RBFOX1: variants seen among roughly 807,000 people sequenced by gnomAD.
The protein encoded by RBFOX1 is RNA binding fox-1 homolog 1.
RBFOX1 carries 8 observed loss-of-function variants against 57.7 expected under a neutral mutation model. That is an observed-to-expected ratio of 0.14 (90% CI 0.08 to 0.25). RBFOX1 has a LOEUF of 0.25. Among genes scored for constraint, RBFOX1 ranks in the 10% least tolerant of loss-of-function variants. RBFOX1 has a pLI of 1.00. For missense variants in RBFOX1, 611 were observed against 548.5 expected (o/e 1.11, Z -1.14); for synonymous variants, 326 against 222.4 (o/e 1.47, Z -4.15).
At chr16:6,225,143 G>C (rs2097406770) in intron 1 of RBFOX1, among the ~76,000 whole-genome samples, 1 of 151,774 alleles carries the variant, frequency 6.6e-6, no homozygotes, top group South Asian at 2.1e-4. Flanking sequence ...AACAGTGGAA[G>C]AGTTTGAAGG....
chr16:7,674,825 C>T (rs368254529), intron 13 of RBFOX1, among the ~76,000 whole-genome samples: 14 of 152,288 alleles, frequency 9.2e-5, no homozygotes, highest in East Asian at 3.9e-4. Context: ...TCCCATTTAT[C>T]GGACTCGCTG....
In RBFOX1 at chr16:6,450,838, T is replaced by TAC. The variant is rs1567303896; in HGVS notation, c.-64+133781_-64+133782insAC. On this transcript the variant is annotated intron_variant, in intron 2 of 15. Coordinates refer to ENST00000550418, the MANE Select transcript of RBFOX1 (RefSeq NM_018723.4). ...ATATACATATATATATATATATATG[T>TAC]GTATATATATATATATATATATATA... Among the ~76,000 whole-genome samples, 366 of 13,946 alleles carry TAC rather than the reference T, an allele frequency of 0.026. 87 individuals are homozygous for TAC. In the East Asian group the frequency reaches 0.31, roughly 12 times the overall value. The allele number at this position is 13,946 out of a possible 152,430, so 9.1% of individuals were successfully genotyped here.
chr16:6,416,089 G>C (rs1228211131), intron 2 of RBFOX1, among the ~76,000 whole-genome samples: 1 of 152,194 alleles, frequency 6.6e-6, no homozygotes, highest in African/African-American at 2.4e-5. Flanking sequence ...TCACCTGCAT[G>C]AATATTTATC....
chr16:7,071,569 A>T (rs1444008246), intron 4 of RBFOX1, among the ~76,000 whole-genome samples: 2 of 147,074 alleles, frequency 1.4e-5, no homozygotes, highest in Non-Finnish European at 3.0e-5. Context: ...ACTGACCCCA[A>T]CACTAATTTG....
intron 1 of RBFOX1, among the ~76,000 whole-genome samples, chr16:6,040,518 G>C (rs991676799): frequency 6.6e-6 from 1 of 152,112 alleles, no homozygotes; most frequent in South Asian, 2.1e-4. Flanking sequence ...GTTTATCTGC[G>C]TGGAAGCAAG....
chr16:7,028,082 C>G (rs150481779), intron 3 of RBFOX1, among the ~76,000 whole-genome samples: 60 of 152,224 alleles, frequency 3.9e-4, no homozygotes, highest in African/African-American at 1.3e-3. Context: ...AACGTGGTTT[C>G]TCATTTGCCT....
At chr16:6,374,304 C>A (rs1461270106) in intron 2 of RBFOX1, among the ~76,000 whole-genome samples, 1 of 152,190 alleles carries the variant, frequency 6.6e-6, no homozygotes, top group Non-Finnish European at 1.5e-5. Context: ...TTACACCACA[C>A]AATTTGGGAT....
chr16:7,126,891 C>T (rs991373261), intron 4 of RBFOX1, among the ~76,000 whole-genome samples: 1 of 151,844 alleles, frequency 6.6e-6, no homozygotes, highest in African/African-American at 2.4e-5. Context: ...CACCTGTAAT[C>T]CCAGCTACTT....
chr16:5,791,446 ATAT>A (rs1207404383), intron 3 of RBFOX1, among the ~76,000 whole-genome samples: 8 of 152,080 alleles, frequency 5.3e-5, no homozygotes, highest in Non-Finnish European at 8.8e-5. Flanking sequence ...CTGGGTACTA[ATAT>A]TATCCCCCTG....
At chr16:6,081,955 G>C (rs867475276) in intron 1 of RBFOX1, among the ~76,000 whole-genome samples, 1 of 152,254 alleles carries the variant, frequency 6.6e-6, no homozygotes, top group African/African-American at 2.4e-5. Context: ...TTTCAGGAAG[G>C]AGGGATTATA....
intron 2 of RBFOX1, among the ~76,000 whole-genome samples, chr16:5,522,385 A>G (rs1329215631): frequency 6.6e-6 from 1 of 152,228 alleles, no homozygotes; most frequent in Non-Finnish European, 1.5e-5. Flanking sequence ...ACGGTGGAGC[A>G]TCTGTTTAGG....
intron 1 of RBFOX1, among the ~76,000 whole-genome samples, chr16:6,118,210 C>CT: frequency 6.6e-6 from 1 of 152,250 alleles, no homozygotes; most frequent in Middle Eastern, 3.4e-3. Flanking sequence ...AGATTTTACT[C>CT]CAGTTCTTTT....
At chr16:7,162,987 G>C (rs755223044) in intron 4 of RBFOX1, among the ~76,000 whole-genome samples, 1 of 152,084 alleles carries the variant, frequency 6.6e-6, no homozygotes, top group Admixed American at 6.6e-5. Flanking sequence ...GCATCTCCAC[G>C]ATCCTGTTAC....
At chr16:6,435,999 T>C (rs1214929615) in intron 2 of RBFOX1, among the ~76,000 whole-genome samples, 2 of 152,164 alleles carry the variant, frequency 1.3e-5, no homozygotes, top group East Asian at 1.9e-4. Flanking sequence ...GGTCATTCTC[T>C]TGGGGCAAAA....
At chr16:7,172,424 G>T (rs2080877573) in intron 4 of RBFOX1, among the ~76,000 whole-genome samples, 1 of 152,030 alleles carries the variant, frequency 6.6e-6, no homozygotes, top group Non-Finnish European at 1.5e-5. Flanking sequence ...TCCCACCATG[G>T]CAGTGGTGGA....
At chr16:7,389,596 C>G (rs765594473) in intron 4 of RBFOX1, among the ~76,000 whole-genome samples, 1 of 152,132 alleles carries the variant, frequency 6.6e-6, no homozygotes, top group African/African-American at 2.4e-5. Context: ...TATGGTAAGG[C>G]AAAACACTAC....
chr16:6,078,178 G>A (rs149296596), intron 1 of RBFOX1, among the ~76,000 whole-genome samples: 1 of 152,088 alleles, frequency 6.6e-6, no homozygotes, highest in Non-Finnish European at 1.5e-5. Flanking sequence ...ATGAGGAAAT[G>A]CTTTGTACAT....
intron 5 of RBFOX1, 28 bp from the exon 6 acceptor site, chr16:7,579,749 C>G: frequency 6.2e-7 from 1 of 1,613,812 alleles, no homozygotes. Flanking sequence ...CCACTGAGAA[C>G]CTCTTCGGTT....
At chr16:6,938,124 A>C (rs778798483) in intron 3 of RBFOX1, among the ~76,000 whole-genome samples, 1 of 152,164 alleles carries the variant, frequency 6.6e-6, no homozygotes, top group Non-Finnish European at 1.5e-5. Flanking sequence ...AGGAATCTAC[A>C]TATAGAAATT....
Sources: gnomAD v4.1 joint callset for allele counts (sites outside exome capture counted in the v4.1 genomes callset) on GRCh38, gnomAD v4.1.1 for gene constraint, MANE v1.5 for transcripts, NCBI Gene and HGNC (gene_info 2026-07-23, HGNC 2026-07-21) for gene names.